Variants in CNBD1 observed in about 807,000 individuals in gnomAD.
CNBD1 encodes cyclic nucleotide-binding domain-containing protein 1.
A neutral mutation model predicts 54.4 loss-of-function variants in CNBD1; 71 were observed. That is an observed-to-expected ratio of 1.30 (90% confidence interval 1.08 to 1.59). The LOEUF is 1.59. Ranked by LOEUF, CNBD1 falls within the 40% of genes most tolerant of loss-of-function variation. The probability of loss-of-function intolerance (pLI) is 0.00; values close to 1 mark genes in which losing one functional copy is unlikely to be tolerated. For missense variants in CNBD1, 659 were observed against 518.0 expected, an observed-to-expected ratio of 1.27 and a Z score of -2.64; for synonymous variants, 182 against 170.7, an observed-to-expected ratio of 1.07 and a Z score of -0.51.
At chr8:87,346,055 G>A (rs188666964) in intron 8 of CNBD1, among the ~76,000 whole-genome samples, 4 of 142,748 alleles carry the variant, frequency 2.8e-5, no homozygotes, top group African/African-American at 8.7e-5. Context: ...TTTTTTTTGT[G>A]GGGGGGACAG....
At chr8:87,143,992 C>T (rs1022204782) in intron 4 of CNBD1, among the ~76,000 whole-genome samples, 6 of 152,148 alleles carry the variant, frequency 3.9e-5, no homozygotes, top group Non-Finnish European at 5.9e-5. Context: ...TACTGCACTT[C>T]AAGAATTGCT....
intron 6 of CNBD1, among the ~76,000 whole-genome samples, chr8:87,265,356 C>G (rs1299601711): frequency 6.6e-6 from 1 of 152,062 alleles, no homozygotes; most frequent in East Asian, 1.9e-4. Context: ...TCCCACTGGT[C>G]TATATCTCTG....
intron 10 of CNBD1, among the ~76,000 whole-genome samples, chr8:87,375,432 A>T (rs1810905609): frequency 6.6e-6 from 1 of 151,926 alleles, no homozygotes; most frequent in Non-Finnish European, 1.5e-5. Context: ...ATGCCCACCA[A>T]GAGTTAATAG....
intron 4 of CNBD1, among the ~76,000 whole-genome samples, chr8:87,088,045 C>G (rs761477042): frequency 1.2e-4 from 19 of 152,178 alleles, no homozygotes; most frequent in Non-Finnish European, 2.5e-4. Flanking sequence ...ATAGAATAGC[C>G]TTACTGCAGT....
chr8:87,325,923 A>T (rs1809658197), intron 8 of CNBD1, among the ~76,000 whole-genome samples: 1 of 116,484 alleles, frequency 8.6e-6, no homozygotes, highest in African/African-American at 3.2e-5. Flanking sequence ...TTTTGGCATG[A>T]TTTTGCAGCA....
chr8:87,284,753 G>A lies in CNBD1; in HGVS notation c.847G>A (p.Val283Met). The A allele has an allele frequency of 6.2e-7, 1 of 1,602,814 alleles. No homozygotes were observed. Among genetic ancestry groups the A allele is most frequent in the Non-Finnish European group, 8.5e-7 (1 of 1,174,610 alleles). Reference protein sequence around the residue: ...NESETQMFSVVTEDDCEILKI... With the variant: ...NESETQMFSVMTEDDCEILKI... ...ATCGGAAACACAGATGTTCTCGGTG[G>A]TGACAGAAGACGATTGTGAAATTCT... The change falls in exon 7 of 11, where the codon GTG becomes ATG. Residue 283 changes from valine (V) to methionine (M), a missense_variant. Val to Met is a conservative substitution (Grantham distance 21, BLOSUM62 1). Coordinates refer to ENST00000518476, the MANE Select transcript of CNBD1 (RefSeq NM_173538.3).
At chr8:87,017,694 G>A (rs773523051) in intron 4 of CNBD1, among the ~76,000 whole-genome samples, 2 of 151,998 alleles carry the variant, frequency 1.3e-5, no homozygotes, top group South Asian at 2.1e-4. Flanking sequence ...CAAACATCTC[G>A]TTTCAAAAGC....
intron 8 of CNBD1, among the ~76,000 whole-genome samples, chr8:87,317,739 T>C (rs1809420253): frequency 6.6e-6 from 1 of 151,944 alleles, no homozygotes; most frequent in Non-Finnish European, 1.5e-5. Flanking sequence ...GAGGTATTAG[T>C]TTTTATCAAA....
At chr8:86,867,854 C>G (rs1808386385) in intron 1 of CNBD1, among the ~76,000 whole-genome samples, 1 of 152,180 alleles carries the variant, frequency 6.6e-6, no homozygotes, top group Non-Finnish European at 1.5e-5. Flanking sequence ...CTCCCAAGGA[C>G]ACTTAACTTC....
chr8:87,155,594 A>C (rs759268171), intron 4 of CNBD1, among the ~76,000 whole-genome samples: 23 of 152,332 alleles, frequency 1.5e-4, no homozygotes, highest in Non-Finnish European at 2.6e-4. Context: ...CACAACTCTC[A>C]GATTTCTGAA....
intron 10 of CNBD1, among the ~76,000 whole-genome samples, chr8:87,363,532 T>G (rs554153679): frequency 8.6e-4 from 131 of 152,304 alleles, no homozygotes; most frequent in African/African-American, 3.1e-3. Context: ...TCCTAACTTT[T>G]TAATGATTGC....
intron 4 of CNBD1, among the ~76,000 whole-genome samples, chr8:87,116,151 T>C (rs1381298447): frequency 1.3e-5 from 2 of 151,832 alleles, no homozygotes; most frequent in African/African-American, 4.8e-5. Context: ...CTCTTCTTTG[T>C]CTGTCTGTCT....
chr8:87,152,562 A>G (rs1812627288), intron 4 of CNBD1, among the ~76,000 whole-genome samples: 1 of 152,098 alleles, frequency 6.6e-6, no homozygotes, highest in South Asian at 2.1e-4. Context: ...GGGCTGGACA[A>G]GGCTGGTATC....
At chr8:87,367,161 C>T (rs1159206746) in intron 10 of CNBD1, among the ~76,000 whole-genome samples, 1 of 152,050 alleles carries the variant, frequency 6.6e-6, no homozygotes, top group African/African-American at 2.4e-5. Flanking sequence ...TGGGAAGACA[C>T]TCCTATATTC....
At chr8:87,130,278 A>C (rs751662659) in intron 4 of CNBD1, among the ~76,000 whole-genome samples, 6 of 152,202 alleles carry the variant, frequency 3.9e-5, no homozygotes, top group Non-Finnish European at 8.8e-5. Context: ...ATTTTGTGCA[A>C]TTCCAGTATT....
chr8:87,119,065 A>G (rs1375928814), intron 4 of CNBD1, among the ~76,000 whole-genome samples: 1 of 152,146 alleles, frequency 6.6e-6, no homozygotes, highest in Non-Finnish European at 1.5e-5. Context: ...TCAAATGTAT[A>G]TGTGAGAACA....
chr8:87,050,293 C>G (rs1440231997), intron 4 of CNBD1, among the ~76,000 whole-genome samples: 3 of 152,176 alleles, frequency 2.0e-5, no homozygotes, highest in Admixed American at 2.0e-4. Context: ...CTAGTTCCCT[C>G]TGACAGGAGT....
At chr8:87,074,654 G>T (rs1369320235) in intron 4 of CNBD1, among the ~76,000 whole-genome samples, 1 of 152,140 alleles carries the variant, frequency 6.6e-6, no homozygotes, top group Non-Finnish European at 1.5e-5. Flanking sequence ...ACAATCACCT[G>T]CTGCTTCCCT....
At chr8:87,386,681 C>A (rs1811196857), downstream of CNBD1, among the ~76,000 whole-genome samples, 2 of 152,244 alleles carry the variant, frequency 1.3e-5, 1 homozygote, top group South Asian at 4.1e-4. Context: ...GGAAAACACT[C>A]TGCAGGATAT....
Sources: gnomAD v4.1 joint callset for allele counts (sites outside exome capture counted in the v4.1 genomes callset) on GRCh38, gnomAD v4.1.1 for gene constraint, MANE v1.5 for transcripts, NCBI Gene and HGNC (gene_info 2026-07-23, HGNC 2026-07-21) for gene names.